Variants in TCF7L1 observed in about 807,000 individuals in gnomAD.
TCF7L1 encodes the protein transcription factor 7 like 1, also known as transcription factor 7-like 1.
In TCF7L1, 18 loss-of-function variants were observed where a neutral mutation model predicts 63.7. The observed-to-expected ratio is 0.28, with a 90% CI of 0.20 to 0.42. The LOEUF is 0.42. TCF7L1 is among the 10% of genes least tolerant of loss of function. The pLI is 1.00. For synonymous variants in TCF7L1, 355 were observed against 340.9 expected (o/e 1.04, Z -0.46); for missense variants, 654 against 779.3 (o/e 0.84, Z 1.91).
intron 3 of TCF7L1, among the ~76,000 whole-genome samples, chr2:85,227,551 C>T (rs147871436): frequency 0.016 from 2,434 of 151,910 alleles, 29 homozygotes; most frequent in Non-Finnish European, 0.023. Context: ...ACAAGCTCAC[C>T]CTAGAGCAAA....
chr2:85,279,330 G>A (rs1573022896), intron 3 of TCF7L1, among the ~76,000 whole-genome samples: 3 of 152,190 alleles, frequency 2.0e-5, no homozygotes, highest in South Asian at 4.1e-4. Flanking sequence ...AGAGCAAGGC[G>A]GGAGGATTGC....
At chr2:85,145,574 G>A (rs1235429595) in intron 3 of TCF7L1, among the ~76,000 whole-genome samples, 2 of 152,216 alleles carry the variant, frequency 1.3e-5, no homozygotes, top group Non-Finnish European at 2.9e-5. Flanking sequence ...TTCTAGAGGT[G>A]GTTGGGTGTT....
chr2:85,267,451 A>T (rs905616362), intron 3 of TCF7L1, among the ~76,000 whole-genome samples: 1 of 151,916 alleles, frequency 6.6e-6, no homozygotes, highest in African/African-American at 2.4e-5. Flanking sequence ...GGAGTTCAAG[A>T]CCAACCTGGC....
At chr2:85,283,767 C>T (rs527784316) in intron 4 of TCF7L1, among the ~76,000 whole-genome samples, 189 bp downstream of exon 4, 16 of 152,290 alleles carry the variant, frequency 1.1e-4, no homozygotes, top group South Asian at 4.1e-4. Flanking sequence ...CACACCACAC[C>T]GCCTCAGATG....
chr2:85,255,726 A>G lies in TCF7L1; in HGVS notation c.442-27769A>G, dbSNP rs113981114. ...TCCCAGATTAGATGGGGTGGGGAGG[A>G]TGTCTTCTGGTTGCTGTAGGCCTGC... On this transcript the variant is annotated intron_variant, in intron 3 of 11. Transcript: ENST00000282111. 1.8e-3 allele frequency among the ~76,000 whole-genome samples: 272 copies of G among 151,956 alleles called. 1 individual carries two copies. Among genetic ancestry groups the G allele is most frequent in the African/African-American group, 6.4e-3 (264 of 41,432 alleles).
intron 3 of TCF7L1, among the ~76,000 whole-genome samples, chr2:85,283,151 G>A (rs891255069): frequency 1.3e-5 from 2 of 152,008 alleles, no homozygotes; most frequent in African/African-American, 4.8e-5. Flanking sequence ...CATGACTACA[G>A]CATAGGGAGG....
chr2:85,193,245 G>A (rs957229871), intron 3 of TCF7L1, among the ~76,000 whole-genome samples: 12 of 152,194 alleles, frequency 7.9e-5, no homozygotes, highest in African/African-American at 2.9e-4. Flanking sequence ...TGCGTAGACA[G>A]TAACAGTTCC....
chr2:85,280,339 G>T (rs1286442359), intron 3 of TCF7L1, among the ~76,000 whole-genome samples: 1 of 152,152 alleles, frequency 6.6e-6, no homozygotes, highest in Non-Finnish European at 1.5e-5. Flanking sequence ...AAATGTCATA[G>T]TGCTGAGCCT....
Position 85,304,310 on chromosome 2 carries a change from G to A in TCF7L1, c.817G>A (p.Ala273Thr), listed in dbSNP as rs547539751. Residue 273 changes from alanine (A) to threonine (T), a missense_variant, in exon 7 of 12, where the codon GCC becomes ACC. This residue lies in a region of TCF7L1 where 404 missense variants were observed against 454.8 expected (regional missense o/e 0.89). Coordinates refer to ENST00000282111, the MANE Select transcript of TCF7L1 (RefSeq NM_031283.3). The part of the protein sequence containing the change: ...PPGGFRHPYP[A>T]LAMNASMSSL... Reference sequence around the variant, plus strand: ...CGGTGGCTTCCGGCACCCTTACCCCGCCCTCGCCATGAACGCCTCGATGTC... The same window carrying A: ...CGGTGGCTTCCGGCACCCTTACCCCACCCTCGCCATGAACGCCTCGATGTC... The A allele has an allele frequency of 6.0e-5, 97 of 1,613,542 alleles. 1 individual carries two copies. In the South Asian group the frequency reaches 7.4e-4, roughly 12 times the overall value.
intron 4 of TCF7L1, among the ~76,000 whole-genome samples, chr2:85,286,517 C>T (rs1376058669): frequency 6.6e-6 from 1 of 151,072 alleles, no homozygotes; most frequent in African/African-American, 2.4e-5. Context: ...ACAAAAAAGA[C>T]GGAGTTTTGC....
intron 3 of TCF7L1, among the ~76,000 whole-genome samples, chr2:85,220,135 T>C (rs1679809199): frequency 1.3e-5 from 2 of 152,118 alleles, no homozygotes; most frequent in Non-Finnish European, 2.9e-5. Context: ...TGAAATATAT[T>C]CAATGAAAAA....
chr2:85,151,898 G>A (rs1340840451), intron 3 of TCF7L1, among the ~76,000 whole-genome samples: 4 of 152,208 alleles, frequency 2.6e-5, no homozygotes, highest in African/African-American at 4.8e-5. Context: ...TATGGGGAAA[G>A]CAATTTAAAT....
intron 3 of TCF7L1, among the ~76,000 whole-genome samples, chr2:85,204,460 A>C (rs555532286): frequency 6.6e-6 from 1 of 152,250 alleles, no homozygotes; most frequent in African/African-American, 2.4e-5. Context: ...ACATACTTGA[A>C]CACACCTTTG....
At chr2:85,152,145 C>T (rs981230297) in intron 3 of TCF7L1, among the ~76,000 whole-genome samples, 18 of 152,200 alleles carry the variant, frequency 1.2e-4, no homozygotes, top group Admixed American at 3.3e-4. Context: ...GGATGCTTCT[C>T]TGCTTACTGG....
chr2:85,236,171 C>T (rs927715212), intron 3 of TCF7L1, among the ~76,000 whole-genome samples: 2 of 132,532 alleles, frequency 1.5e-5, no homozygotes, highest in African/African-American at 4.2e-5. Flanking sequence ...CCATCCCCCC[C>T]CCAAAAAAAA....
chr2:85,258,756 G>A (rs562861107), intron 3 of TCF7L1, among the ~76,000 whole-genome samples: 1 of 152,270 alleles, frequency 6.6e-6, no homozygotes, highest in South Asian at 2.1e-4. Context: ...TTGGGGTTGG[G>A]GGGGCTGTCT....
chr2:85,150,079 C>A (rs1277607445), intron 3 of TCF7L1, among the ~76,000 whole-genome samples: 1 of 152,160 alleles, frequency 6.6e-6, no homozygotes, highest in African/African-American at 2.4e-5. Context: ...AGTTGTCTTA[C>A]TGATAGATGT....
At position 85,133,963 on chromosome 2, in the gene TCF7L1, G is replaced by T. The variant is rs542878974; in HGVS notation, c.249+30G>T. The T allele has an allele frequency of 6.3e-5, 100 of 1,578,792 alleles. 1 individual carries two copies. In the Middle Eastern group the frequency reaches 6.7e-4, roughly 11 times the overall value. On this transcript the variant is annotated intron_variant, in intron 1 of 11. Transcript: ENST00000282111. This position sits in a 1 kb window ranked among gnomAD's most constrained non-coding sequence, Gnocchi z 4.4. ...GGAAGCACCGCGGCCACCCCCGGGG[G>T]ATCCCGGCCCTGCGTCCGCTCACCC...
rs58590558 is a variant in TCF7L1, at chr2:85,179,103, G to A, written c.441+44653G>A. 9.1e-3 allele frequency among the ~76,000 whole-genome samples: 1,390 copies of A among 152,280 alleles called. 20 individuals are homozygous for A. Among genetic ancestry groups the A allele is most frequent in the African/African-American group, 0.032 (1,311 of 41,544 alleles). On this transcript the variant is annotated intron_variant, in intron 3 of 11. Coordinates refer to ENST00000282111, the MANE Select transcript of TCF7L1 (RefSeq NM_031283.3). Reference sequence around the variant, plus strand: ...TCCAGGGCCACTGGCTTCTGCAGGCGTTGTTGTCTTTTGCTCCTAAACAGC... The same window carrying A: ...TCCAGGGCCACTGGCTTCTGCAGGCATTGTTGTCTTTTGCTCCTAAACAGC...
Sources: allele counts gnomAD v4.1 joint callset (sites outside exome capture counted in the v4.1 genomes callset), GRCh38; gene constraint gnomAD v4.1.1; regional missense constraint gnomAD v4.1.1; non-coding constraint Gnocchi (gnomAD v3.1); transcripts MANE v1.5; gene names NCBI Gene and HGNC (gene_info 2026-07-23, HGNC 2026-07-21).